Variants in PPP2CB observed in about 807,000 individuals in gnomAD.
The protein encoded by PPP2CB is serine/threonine-protein phosphatase 2A catalytic subunit beta isoform.
A neutral mutation model predicts 39.1 loss-of-function variants in PPP2CB; 18 were observed. The ratio of observed to expected loss-of-function variants is 0.46; its 90% CI spans 0.32 to 0.68. PPP2CB has a LOEUF of 0.68. PPP2CB is among the 30% of genes least tolerant of loss of function. The pLI is 0.04. For synonymous variants in PPP2CB, 129 were observed against 133.8 expected (o/e 0.96, Z 0.25); for missense variants, 226 against 396.9 (o/e 0.57, Z 3.66).
chr8:30,811,226 G>GA (rs1312080121), intron 1 of PPP2CB, among the ~76,000 whole-genome samples: 2 of 152,030 alleles, frequency 1.3e-5, no homozygotes, highest in Non-Finnish European at 2.9e-5. Context: ...TTATTCTTTG[G>GA]AAAAAAACTT....
chr8:30,786,823 C>G (rs1449729239), intron 6 of PPP2CB, among the ~76,000 whole-genome samples: 1 of 142,640 alleles, frequency 7.0e-6, no homozygotes, highest in Non-Finnish European at 1.5e-5. Flanking sequence ...ATTACCATGC[C>G]CGGCTAATTT....
intron 1 of PPP2CB, among the ~76,000 whole-genome samples, chr8:30,808,110 C>CT (rs1184201450): frequency 6.6e-6 from 1 of 151,956 alleles, no homozygotes; most frequent in African/African-American, 2.4e-5. Context: ...CTTCAGCTTT[C>CT]TTTTTTTGGA....
intron 1 of PPP2CB, among the ~76,000 whole-genome samples, chr8:30,805,743 G>A (rs1216888768): frequency 6.6e-6 from 1 of 152,100 alleles, no homozygotes; most frequent in East Asian, 1.9e-4. Flanking sequence ...AAAAACGATT[G>A]TCTTTGTATA....
rs1443355886 is a variant in PPP2CB at position 30,799,838 on chromosome 8, C to T, written c.103-83G>A. ...AAAAGAAAATTTGGGGAAAAAAACA[C>T]TTGAAAAGTGCCTTATAAAAGCGTA... On this transcript the variant is annotated intron_variant, in intron 1 of 6. Coordinates refer to ENST00000221138, the MANE Select transcript of PPP2CB (RefSeq NM_001009552.2). The T allele has an allele frequency of 3.3e-6, 4 of 1,202,332 alleles. No homozygotes were observed. In the African/African-American group the frequency reaches 4.6e-5, roughly 14 times the overall value. The allele number at this position is 1,202,332 out of a possible 1,614,324, so 74.5% of individuals were successfully genotyped here. A position where few individuals can be genotyped will look rare whatever the true frequency, so the allele number is the denominator to read the frequency against.
chr8:30,791,889 T>C (rs183160368), intron 5 of PPP2CB, among the ~76,000 whole-genome samples: 16 of 151,452 alleles, frequency 1.1e-4, no homozygotes, highest in Admixed American at 1.1e-3. Flanking sequence ...CATATATGTA[T>C]ACATGTGTAT....
chr8:30,798,276 T>C (rs530272943), intron 2 of PPP2CB, among the ~76,000 whole-genome samples: 1 of 152,340 alleles, frequency 6.6e-6, no homozygotes, highest in South Asian at 2.1e-4. Context: ...TATTAATAGT[T>C]TCCTTTCTAT....
chr8:30,795,119 A>ATTTTTTTT (rs893547625), intron 3 of PPP2CB, among the ~76,000 whole-genome samples: 2 of 127,496 alleles, frequency 1.6e-5, no homozygotes, highest in Admixed American at 7.9e-5. Flanking sequence ...TCTGATTTTG[A>ATTTTTTTT]TTTTTTTTTT....
intron 1 of PPP2CB, among the ~76,000 whole-genome samples, chr8:30,805,236 C>T (rs1178839849): frequency 6.6e-6 from 1 of 152,166 alleles, no homozygotes; most frequent in East Asian, 1.9e-4. Flanking sequence ...CTCTTTTAAA[C>T]GAAGATGAAA....
intron 1 of PPP2CB, among the ~76,000 whole-genome samples, chr8:30,801,970 A>C (rs1236464749): frequency 1.3e-5 from 2 of 152,146 alleles, no homozygotes; most frequent in Non-Finnish European, 2.9e-5. Flanking sequence ...TATGATTCTG[A>C]CTGCACCTCT....
chr8:30,812,267 C>G, intron 1 of PPP2CB, 53 bp downstream of exon 1: 1 of 1,343,166 alleles, frequency 7.4e-7, no homozygotes, highest in Non-Finnish European at 9.8e-7. Flanking sequence ...GGCAGGAAAG[C>G]GGCGGCCCGT....
chr8:30,812,212 C>G (rs1806846347), intron 1 of PPP2CB, 108 bp downstream of exon 1: 19 of 742,984 alleles, frequency 2.6e-5, no homozygotes, highest in Non-Finnish European at 3.2e-5. Flanking sequence ...GCCCCGCAGG[C>G]CCCCGGTGGG....
At chr8:30,807,753 C>T (rs1431723763) in intron 1 of PPP2CB, among the ~76,000 whole-genome samples, 2 of 152,196 alleles carry the variant, frequency 1.3e-5, no homozygotes, top group Non-Finnish European at 2.9e-5. Flanking sequence ...GCTCTCTTGG[C>T]ACACAATCTT....
intron 3 of PPP2CB, among the ~76,000 whole-genome samples, chr8:30,797,015 T>A (rs980462634): frequency 3.6e-4 from 54 of 149,586 alleles, no homozygotes; most frequent in African/African-American, 1.0e-3. Flanking sequence ...AGCTAATTTT[T>A]AAATTTTTTT....
chr8:30,790,190 A>G (rs189120760), intron 6 of PPP2CB, among the ~76,000 whole-genome samples: 1 of 152,232 alleles, frequency 6.6e-6, no homozygotes, highest in East Asian at 1.9e-4. Context: ...ACTCAGTACA[A>G]TCTATGTGTG....
At chr8:30,807,213 T>C (rs995914737) in intron 1 of PPP2CB, among the ~76,000 whole-genome samples, 40 of 152,238 alleles carry the variant, frequency 2.6e-4, no homozygotes, top group African/African-American at 8.9e-4. Flanking sequence ...CTAATTTTTG[T>C]TCGAGGGAAA....
At chr8:30,800,065 C>T (rs577941210) in intron 1 of PPP2CB, among the ~76,000 whole-genome samples, 1 of 152,186 alleles carries the variant, frequency 6.6e-6, no homozygotes, top group Non-Finnish European at 1.5e-5. Context: ...CCAGCAGTTC[C>T]ACTCCTAGGT....
intron 1 of PPP2CB, among the ~76,000 whole-genome samples, chr8:30,801,681 G>C (rs1003992158): frequency 9.9e-5 from 15 of 152,108 alleles, no homozygotes; most frequent in African/African-American, 3.1e-4. Flanking sequence ...TTTAAAACAT[G>C]GATTTTGAGT....
chr8:30,805,485 G>A (rs1183263389), intron 1 of PPP2CB, among the ~76,000 whole-genome samples: 2 of 152,008 alleles, frequency 1.3e-5, no homozygotes, highest in East Asian at 1.9e-4. Context: ...GCATGAACCC[G>A]GTAGGCGGAG....
At chr8:30,812,286 C>A in intron 1 of PPP2CB, 34 bp downstream of exon 1, 1 of 1,458,928 alleles carries the variant, frequency 6.9e-7, no homozygotes, top group East Asian at 2.9e-5. Context: ...GTCCCAGCCC[C>A]GCGCTCCCGC....
Sources: allele counts gnomAD v4.1 joint callset (sites outside exome capture counted in the v4.1 genomes callset), GRCh38; gene constraint gnomAD v4.1.1; transcripts MANE v1.5; gene names NCBI Gene and HGNC (gene_info 2026-07-23, HGNC 2026-07-21).